The following PDGFD variants were observed in gnomAD, a reference collection of about 807,000 sequenced individuals.
PDGFD encodes the protein platelet-derived growth factor D.
In PDGFD, 30 loss-of-function variants were observed where a neutral mutation model predicts 44.7. The ratio of observed to expected loss-of-function variants is 0.67; its 90% CI spans 0.50 to 0.91. The LOEUF is 0.91. Ranked by LOEUF, PDGFD falls within the 40% of genes least tolerant of loss-of-function variation. The pLI, the probability that PDGFD is intolerant of heterozygous loss-of-function variation, is 0.00. For synonymous variants in PDGFD, 173 were observed against 168.4 expected (o/e 1.03, Z -0.21); for missense variants, 445 against 457.8 (o/e 0.97, Z 0.25).
intron 6 of PDGFD, among the ~76,000 whole-genome samples, chr11:103,921,477 A>G (rs1858218461): frequency 6.6e-6 from 1 of 152,132 alleles, no homozygotes; most frequent in Non-Finnish European, 1.5e-5. Context: ...CTCTAACCTC[A>G]TATTTCATGT....
At chr11:103,965,191 CA>C (rs1316506068) in intron 3 of PDGFD, among the ~76,000 whole-genome samples, 1 of 152,006 alleles carries the variant, frequency 6.6e-6, no homozygotes, top group Non-Finnish European at 1.5e-5. Flanking sequence ...CGTGAGAAGC[CA>C]GGGGAAACTT....
At chr11:103,974,319 C>A (rs1369402916) in intron 3 of PDGFD, among the ~76,000 whole-genome samples, 1 of 152,120 alleles carries the variant, frequency 6.6e-6, no homozygotes, top group Non-Finnish European at 1.5e-5. Flanking sequence ...GCATCAAACT[C>A]CTGTGAAGCA....
chr11:104,085,275 A>AT (rs1477461582), intron 1 of PDGFD, among the ~76,000 whole-genome samples: 1 of 152,120 alleles, frequency 6.6e-6, no homozygotes, highest in African/African-American at 2.4e-5. Context: ...GGTTCTCTAT[A>AT]ATTTTCTCAC....
chr11:104,144,507 CA>C lies in PDGFD; in HGVS notation c.124+19296del, dbSNP rs201864924. Reference sequence around the variant, plus strand: ...GGCAATAAGAGCAAAACTCCGTCACCAAAAAAAAAAAAAAAAAAAAACCCAA... The same window carrying C: ...GGCAATAAGAGCAAAACTCCGTCACCAAAAAAAAAAAAAAAAAAAACCCAA... On this transcript the variant is annotated intron_variant, in intron 1 of 6. Coordinates refer to ENST00000393158, the MANE Select transcript of PDGFD (RefSeq NM_025208.5). Among the ~76,000 whole-genome samples, 81 of 73,798 alleles carry C rather than the reference CA, an allele frequency of 1.1e-3. 1 individual carries two copies. Among genetic ancestry groups the C allele is most frequent in the South Asian group, 4.6e-3 (9 of 1,974 alleles). The allele number at this position is 73,798 out of a possible 152,430, so 48.4% of individuals were successfully genotyped here.
intron 3 of PDGFD, among the ~76,000 whole-genome samples, chr11:103,965,974 G>A (rs1213567925): frequency 6.6e-6 from 1 of 152,148 alleles, no homozygotes; most frequent in Admixed American, 6.6e-5. Flanking sequence ...GACGGCACTG[G>A]GGGCCCCTGC....
intron 1 of PDGFD, among the ~76,000 whole-genome samples, chr11:104,124,544 C>T (rs1021143942): frequency 6.6e-6 from 1 of 152,048 alleles, no homozygotes; most frequent in Non-Finnish European, 1.5e-5. Flanking sequence ...TGTTCACATT[C>T]ATTTCTCATT....
intron 1 of PDGFD, among the ~76,000 whole-genome samples, chr11:104,102,031 T>A (rs936106996): frequency 6.6e-6 from 1 of 151,960 alleles, no homozygotes; most frequent in Non-Finnish European, 1.5e-5. Flanking sequence ...GGACTTCATG[T>A]CTAAAACACC....
At chr11:104,036,804 GC>G in intron 1 of PDGFD, 1 of 1,603,398 alleles carries the variant, frequency 6.2e-7, no homozygotes, top group Non-Finnish European at 8.5e-7. Flanking sequence ...TGCTAGCCCG[GC>G]CCGCCCGGGC....
At chr11:104,062,052 T>C (rs576909705) in intron 1 of PDGFD, among the ~76,000 whole-genome samples, 1 of 152,352 alleles carries the variant, frequency 6.6e-6, no homozygotes, top group Admixed American at 6.5e-5. Context: ...GAATGTTTCA[T>C]AATTGAGACA....
chr11:103,998,559 C>T (rs1428018994), intron 2 of PDGFD, among the ~76,000 whole-genome samples: 1 of 152,200 alleles, frequency 6.6e-6, no homozygotes, highest in Non-Finnish European at 1.5e-5. Context: ...TTGGCTGTTC[C>T]TCAGTTGCAT....
At chr11:104,071,303 T>C (rs184313886) in intron 1 of PDGFD, among the ~76,000 whole-genome samples, 32 of 151,962 alleles carry the variant, frequency 2.1e-4, no homozygotes, top group Admixed American at 1.2e-3. Context: ...TTTACTTATG[T>C]TTAAGAAATA....
In PDGFD at chr11:104,163,863, G is replaced by T; in HGVS notation, c.65C>A (p.Ser22Tyr). Reference protein sequence around the residue: ...CANFCSCRDTSATPQSASIKA... With the variant: ...CANFCSCRDTYATPQSASIKA... ...GATGGATGCGCTCTGCGGGGTTGCAGAAGTGTCCCGACAGCTGCAAAAGTT... is the reference window on the plus strand; with the variant it reads ...GATGGATGCGCTCTGCGGGGTTGCATAAGTGTCCCGACAGCTGCAAAAGTT... Residue 22 changes from serine (S) to tyrosine (Y), a missense_variant, in exon 1 of 7, where the codon TCT becomes TAT. Ser to Tyr is a moderately radical substitution (Grantham distance 144). Coordinates refer to ENST00000393158, the MANE Select transcript of PDGFD (RefSeq NM_025208.5). 1.0e-5 allele frequency: 16 copies of T among 1,580,710 alleles called. No homozygotes were observed. Among genetic ancestry groups the T allele is most frequent in the Non-Finnish European group, 1.4e-5 (16 of 1,155,316 alleles).
At chr11:104,083,266 G>A (rs1861073933) in intron 1 of PDGFD, among the ~76,000 whole-genome samples, 1 of 152,108 alleles carries the variant, frequency 6.6e-6, no homozygotes. Context: ...AGTAGATGGT[G>A]GCTTACAAAC....
chr11:103,943,748 G>A (rs980665201), intron 4 of PDGFD, 98 bp from the exon 5 acceptor site: 41 of 987,394 alleles, frequency 4.2e-5, no homozygotes, highest in Non-Finnish European at 6.3e-5. Flanking sequence ...ACAGGCTTCT[G>A]AGTATAAGAC....
Position 103,947,717 on chromosome 11 carries a change from A to C in PDGFD, c.518T>G (p.Phe173Cys). The part of the protein sequence containing the change: ...FKIYYSLLED[F>C]QPAAASETNW... Reference sequence around the variant, plus strand: ...GGTCTCTGAAGCTGCTGCGGGTTGGAAATCTTCCTGGAAGGCAAAGAAACA... The same window carrying C: ...GGTCTCTGAAGCTGCTGCGGGTTGGCAATCTTCCTGGAAGGCAAAGAAACA... Residue 173 changes from phenylalanine to cysteine, a missense_variant, in exon 4 of 7, where the codon TTC (phenylalanine) becomes TGC (cysteine). Phe to Cys is a radical substitution (Grantham distance 205). Coordinates refer to ENST00000393158, the MANE Select transcript of PDGFD (RefSeq NM_025208.5). 6.2e-7 allele frequency: 1 copy of C among 1,613,326 alleles called. No individual in the cohort carries two copies. The highest frequency in any genetic ancestry group is 2.2e-5 in the East Asian group (1 of 44,876).
intron 1 of PDGFD, among the ~76,000 whole-genome samples, chr11:104,110,348 T>C (rs896866167): frequency 5.9e-5 from 9 of 151,828 alleles, no homozygotes; most frequent in Non-Finnish European, 1.3e-4. Context: ...AAAAAAAAAT[T>C]ACTTGAACTG....
At chr11:103,945,983 A>G (rs1858662738) in intron 4 of PDGFD, 1 of 152,226 alleles carries the variant, frequency 6.6e-6, no homozygotes, top group Admixed American at 6.6e-5. Flanking sequence ...CTACAAGAAC[A>G]TTTTGGTTTC....
At position 103,935,027 on chromosome 11, in the gene PDGFD, G is replaced by A. The variant is rs1201007260; in HGVS notation, c.773-7901C>T. 2.0e-5 allele frequency among the ~76,000 whole-genome samples: 3 copies of A among 152,126 alleles called. No homozygotes were observed. The East Asian group carries it at 5.8e-4, about 29-fold the overall frequency. On this transcript the variant is annotated intron_variant, in intron 5 of 6. Coordinates refer to ENST00000393158, the MANE Select transcript of PDGFD (RefSeq NM_025208.5). ...TCCAATGCTTCACAGAAAAAAATTA[G>A]CACAGCAAACACAAGGAACACACAT...
intron 1 of PDGFD, among the ~76,000 whole-genome samples, chr11:104,160,077 GC>G (rs1862367828): frequency 6.6e-6 from 1 of 152,076 alleles, no homozygotes; most frequent in South Asian, 2.1e-4. Context: ...CTGTTGTGTT[GC>G]CTTCCCTTTA....
Sources: gnomAD v4.1 joint callset for allele counts (sites outside exome capture counted in the v4.1 genomes callset) on GRCh38, gnomAD v4.1.1 for gene constraint, MANE v1.5 for transcripts, NCBI Gene and HGNC (gene_info 2026-07-23, HGNC 2026-07-21) for gene names.